Variants in MDGA2 observed in about 807,000 individuals in gnomAD.
MDGA2 encodes the protein MAM domain containing glycosylphosphatidylinositol anchor 2.
A neutral mutation model predicts 117.8 loss-of-function variants in MDGA2; 40 were observed. That is an observed-to-expected ratio of 0.34 (90% CI 0.26 to 0.44). MDGA2 has a LOEUF of 0.44. Among genes scored for constraint, MDGA2 ranks in the 20% least tolerant of loss-of-function variants. The pLI, the probability that MDGA2 is intolerant of heterozygous loss-of-function variation, is 1.00. For synonymous variants in MDGA2, 452 were observed against 439.0 expected, an observed-to-expected ratio of 1.03 and a Z score of -0.37; for missense variants, 1,123 against 1,250.6, an observed-to-expected ratio of 0.90 and a Z score of 1.54.
intron 1 of MDGA2, among the ~76,000 whole-genome samples, chr14:47,421,047 G>T (rs1048533338): frequency 3.9e-5 from 6 of 152,016 alleles, no homozygotes; most frequent in Non-Finnish European, 8.8e-5. Flanking sequence ...GAAGAGTGCC[G>T]CTGTTCTTTC....
intron 3 of MDGA2, among the ~76,000 whole-genome samples, chr14:47,197,131 A>C (rs915889743): frequency 6.6e-6 from 1 of 152,196 alleles, no homozygotes; most frequent in Non-Finnish European, 1.5e-5. Context: ...TGAACACAAA[A>C]GTGCATGTGT....
At chr14:47,263,322 C>T (rs537273161) in intron 2 of MDGA2, among the ~76,000 whole-genome samples, 1 of 152,130 alleles carries the variant, frequency 6.6e-6, no homozygotes, top group South Asian at 2.1e-4. Context: ...CACTGCCACC[C>T]ATCCTCCATC....
chr14:47,155,522 C>T (rs1883331232), intron 3 of MDGA2, among the ~76,000 whole-genome samples: 1 of 152,086 alleles, frequency 6.6e-6, no homozygotes, highest in Non-Finnish European at 1.5e-5. Flanking sequence ...CAGTGAAAGC[C>T]GCTTGCAGTA....
At chr14:47,539,024 T>C (rs998070583) in intron 1 of MDGA2, among the ~76,000 whole-genome samples, 1 of 152,176 alleles carries the variant, frequency 6.6e-6, no homozygotes, top group Non-Finnish European at 1.5e-5. Context: ...GTCTGCTGAA[T>C]TGTCCAGACC....
At chr14:46,898,663 GTGT>G (rs1883172068) in intron 10 of MDGA2, among the ~76,000 whole-genome samples, 1 of 152,028 alleles carries the variant, frequency 6.6e-6, no homozygotes, top group Non-Finnish European at 1.5e-5. Context: ...CACATATTGT[GTGT>G]TGGCTCCTTT....
intron 1 of MDGA2, among the ~76,000 whole-genome samples, chr14:47,368,027 C>A (rs1891267691): frequency 6.6e-6 from 1 of 152,104 alleles, no homozygotes; most frequent in Non-Finnish European, 1.5e-5. Flanking sequence ...CGTCTGTAAT[C>A]CCAGCACTTT....
At chr14:47,160,651 C>A (rs943177255) in intron 3 of MDGA2, among the ~76,000 whole-genome samples, 4 of 152,034 alleles carry the variant, frequency 2.6e-5, no homozygotes, top group African/African-American at 9.7e-5. Flanking sequence ...GACCACAGAG[C>A]GAGACCTGTC....
chr14:47,368,002 G>A (rs1046814629), intron 1 of MDGA2, among the ~76,000 whole-genome samples: 2 of 152,068 alleles, frequency 1.3e-5, no homozygotes, highest in South Asian at 2.1e-4. Flanking sequence ...AGATATGGCC[G>A]GGCGTGGTGG....
rs527848766 is a variant in MDGA2 at position 47,279,645 on chromosome 14, C to T, written c.420+21766G>A. On this transcript the variant is annotated intron_variant, in intron 2 of 16. Transcript: ENST00000399232. ...TCATCCTTAAAAAGGCTTCCCTATC[C>T]TGTGATTTTTTTTAAAAAAAAATCA... Among the ~76,000 whole-genome samples the T allele has an allele frequency of 1.6e-4, 25 of 151,960 alleles. No individual in the cohort carries two copies. The South Asian group carries it at 4.6e-3, about 28-fold the overall frequency.
chr14:47,023,197 G>GCAAAAAAAAAAAA (rs1435992503), intron 8 of MDGA2, among the ~76,000 whole-genome samples: 15 of 69,586 alleles, frequency 2.2e-4, no homozygotes, highest in Non-Finnish European at 3.2e-4. Flanking sequence ...ATTCCCACTC[G>GCAAAAAAAAAAAA]TAAAAAAAAA....
chr14:46,989,419 A>C (rs1047345731), intron 8 of MDGA2, among the ~76,000 whole-genome samples: 1 of 152,132 alleles, frequency 6.6e-6, no homozygotes, highest in Non-Finnish European at 1.5e-5. Context: ...ACATTTAAAC[A>C]CAAAGTGGAA....
intron 9 of MDGA2, among the ~76,000 whole-genome samples, chr14:46,921,359 G>A (rs1420175607): frequency 6.6e-6 from 1 of 151,632 alleles, no homozygotes. Flanking sequence ...CAACACTTTG[G>A]GCAGCAGAGG....
chr14:47,357,602 A>G (rs1891024668), intron 1 of MDGA2, among the ~76,000 whole-genome samples: 1 of 152,224 alleles, frequency 6.6e-6, no homozygotes, highest in African/African-American at 2.4e-5. Context: ...GGGTAGCTCA[A>G]GCAACAAGGT....
intron 5 of MDGA2, among the ~76,000 whole-genome samples, chr14:47,112,165 T>C (rs1013783171): frequency 1.8e-4 from 27 of 151,588 alleles, no homozygotes; most frequent in African/African-American, 6.3e-4. Context: ...ATAAAAGAAA[T>C]GGGAAGAGAA....
chr14:46,897,908 TGATA>T (rs1024654016), intron 10 of MDGA2, among the ~76,000 whole-genome samples: 2 of 151,936 alleles, frequency 1.3e-5, no homozygotes, highest in Non-Finnish European at 2.9e-5. Flanking sequence ...CCAATATAAA[TGATA>T]GATAGATCCT....
At chr14:47,164,756 T>C (rs148255351) in intron 3 of MDGA2, among the ~76,000 whole-genome samples, 1 of 152,312 alleles carries the variant, frequency 6.6e-6, no homozygotes, top group African/African-American at 2.4e-5. Context: ...ACTGGGTATA[T>C]ACCCAAAAGA....
intron 3 of MDGA2, among the ~76,000 whole-genome samples, chr14:47,176,446 A>C (rs1884453041): frequency 6.6e-6 from 1 of 152,204 alleles, no homozygotes; most frequent in Non-Finnish European, 1.5e-5. Flanking sequence ...CTGGTACCAA[A>C]ACAGATATAT....
chr14:47,332,309 C>T (rs1386791225), intron 1 of MDGA2, among the ~76,000 whole-genome samples: 17 of 152,034 alleles, frequency 1.1e-4, no homozygotes, highest in Non-Finnish European at 2.2e-4. Context: ...AGTGACCACA[C>T]TGGCCTTACT....
chr14:47,085,456 CAGTCT>C (rs1890862664), intron 6 of MDGA2, among the ~76,000 whole-genome samples: 1 of 152,096 alleles, frequency 6.6e-6, no homozygotes, highest in South Asian at 2.1e-4. Flanking sequence ...ATCAATATCA[CAGTCT>C]AGTCTCACTA....
Sources: gnomAD v4.1 joint callset for allele counts (sites outside exome capture counted in the v4.1 genomes callset) on GRCh38, gnomAD v4.1.1 for gene constraint, MANE v1.5 for transcripts, NCBI Gene and HGNC (gene_info 2026-07-23, HGNC 2026-07-21) for gene names.